Variants in DOK5 observed in about 807,000 individuals in gnomAD.
DOK5 encodes the protein docking protein 5.
Under a neutral mutation model 43.3 loss-of-function variants are expected in DOK5, and 27 were observed. That is an observed-to-expected ratio of 0.62 (90% CI 0.46 to 0.86). The LOEUF (loss-of-function observed/expected upper bound fraction) is 0.86, where lower values mean the gene tolerates loss of function less well. Ranked by LOEUF, DOK5 falls within the 40% of genes least tolerant of loss-of-function variation. The pLI, the probability that DOK5 is intolerant of heterozygous loss-of-function variation, is 0.00. For synonymous variants in DOK5, 146 were observed against 140.1 expected, an observed-to-expected ratio of 1.04 and a Z score of -0.30; for missense variants, 373 against 392.9, an observed-to-expected ratio of 0.95 and a Z score of 0.43.
Position 54,475,920 on chromosome 20 carries a change from T to C in DOK5, c.-27T>C, listed in dbSNP as rs765217379. On this transcript the variant is annotated 5_prime_UTR_variant, in exon 1 of 8. Transcript: ENST00000262593. This position sits in a 1 kb window ranked among gnomAD's most constrained non-coding sequence, Gnocchi z 4.2. ...GCCACTTCGGGTGCGCGCTCTTGGG[T>C]AAAGGGGGGGTCACCGGCTGTCTGG... 2 of 1,609,104 alleles carry C rather than the reference T, an allele frequency of 1.2e-6. No homozygotes were observed. Among genetic ancestry groups the C allele is most frequent in the Middle Eastern group, 1.7e-4 (1 of 5,832 alleles).
At chr20:54,521,760 TC>T (rs1052268550) in intron 1 of DOK5, among the ~76,000 whole-genome samples, 23 of 152,260 alleles carry the variant, frequency 1.5e-4, no homozygotes, top group African/African-American at 5.5e-4. Flanking sequence ...GACTGAAAGT[TC>T]CAACTCTCCA....
intron 1 of DOK5, among the ~76,000 whole-genome samples, chr20:54,498,241 T>C (rs1324280343): frequency 1.3e-5 from 2 of 152,240 alleles, no homozygotes; most frequent in Non-Finnish European, 2.9e-5. Context: ...TCAGAGACAG[T>C]GTAAATCTTG....
In DOK5 at chr20:54,498,706, T is replaced by C. The variant is rs113019328; in HGVS notation, c.66+22694T>C. Among the ~76,000 whole-genome samples the C allele has an allele frequency of 4.0e-3, 612 of 152,346 alleles. 4 individuals are homozygous for C. The highest frequency in any genetic ancestry group is 0.014 in the African/African-American group (581 of 41,578). ...ATCCTGGTGAACTGTATAAAGAGTA[T>C]GTTTTGTTTAGGACAATAATAGAAA... On this transcript the variant is annotated intron_variant, in intron 1 of 7. Transcript: ENST00000262593.
At chr20:54,578,981 T>A (rs1397296601) in intron 2 of DOK5, among the ~76,000 whole-genome samples, 1 of 152,158 alleles carries the variant, frequency 6.6e-6, no homozygotes, top group Non-Finnish European at 1.5e-5. Flanking sequence ...TTGTTCTGGG[T>A]GATTATATGA....
chr20:54,515,052 C>T (rs1983149822), intron 1 of DOK5, among the ~76,000 whole-genome samples: 1 of 151,714 alleles, frequency 6.6e-6, no homozygotes. Flanking sequence ...CTCTTGTTGC[C>T]CAGGCTGGAG....
At chr20:54,513,909 G>T (rs923644716) in intron 1 of DOK5, among the ~76,000 whole-genome samples, 1 of 152,146 alleles carries the variant, frequency 6.6e-6, no homozygotes, top group African/African-American at 2.4e-5. Context: ...TTTGAATTAG[G>T]ACAGATTATC....
intron 1 of DOK5, among the ~76,000 whole-genome samples, chr20:54,480,902 CATCT>C (rs201469324): frequency 3.5e-4 from 47 of 134,984 alleles, no homozygotes; most frequent in Middle Eastern, 3.8e-3. Flanking sequence ...TTAAGGCCTC[CATCT>C]ATCTATCTAT....
chr20:54,596,964 C>T (rs1986160042), intron 5 of DOK5, among the ~76,000 whole-genome samples: 1 of 152,136 alleles, frequency 6.6e-6, no homozygotes. Context: ...AGATATATTA[C>T]TACTCTCTGC....
At chr20:54,496,805 T>C (rs1394479160) in intron 1 of DOK5, among the ~76,000 whole-genome samples, 1 of 147,674 alleles carries the variant, frequency 6.8e-6, no homozygotes, top group East Asian at 2.0e-4. Context: ...TGAACCAGCA[T>C]AAATCGACAT....
rs948462896 is a variant in DOK5, at chr20:54,499,593, G to A, written c.66+23581G>A. On this transcript the variant is annotated intron_variant, in intron 1 of 7. Transcript: ENST00000262593. ...AATAATAGTGGAATTATTACTGAGT[G>A]GGAGGCTCTGTGTTTCACTTATGTT... Among the ~76,000 whole-genome samples the A allele has an allele frequency of 6.6e-5, 10 of 152,334 alleles. No individual in the cohort carries two copies. In the East Asian group the frequency reaches 1.7e-3, roughly 26 times the overall value.
At chr20:54,629,200 A>G (rs1045820382) in intron 6 of DOK5, among the ~76,000 whole-genome samples, 1 of 152,208 alleles carries the variant, frequency 6.6e-6, no homozygotes, top group Admixed American at 6.5e-5. Context: ...AAGTGGGAAG[A>G]TATTTCCTCT....
chr20:54,581,397 A>G (rs1985633930), intron 2 of DOK5, among the ~76,000 whole-genome samples: 2 of 151,716 alleles, frequency 1.3e-5, no homozygotes, highest in African/African-American at 2.4e-5. Flanking sequence ...TTCTGAAAAA[A>G]AAAAAAGCTC....
chr20:54,644,705 CAAAA>C (rs71196460), intron 7 of DOK5, among the ~76,000 whole-genome samples: 1 of 15,218 alleles, frequency 6.6e-5, no homozygotes, highest in African/African-American at 2.4e-4. Context: ...GACTCCGTCT[CAAAA>C]AAAAAAAAAA....
chr20:54,576,352 T>C (rs1193310471), intron 2 of DOK5, among the ~76,000 whole-genome samples: 1 of 152,202 alleles, frequency 6.6e-6, no homozygotes, highest in Non-Finnish European at 1.5e-5. Context: ...AAACTTCTTA[T>C]ATCTTCAACT....
At chr20:54,553,829 G>A (rs1401448400) in intron 1 of DOK5, among the ~76,000 whole-genome samples, 5 of 149,534 alleles carry the variant, frequency 3.3e-5, no homozygotes, top group South Asian at 4.3e-4. Context: ...CCCAGGAGGC[G>A]GAGGTTGCAG....
At position 54,583,802 on chromosome 20, in the gene DOK5, A is replaced by G. The variant is rs770194299; in HGVS notation, c.175-4681A>G. On this transcript the variant is annotated intron_variant, in intron 2 of 7. Coordinates refer to ENST00000262593, the MANE Select transcript of DOK5 (RefSeq NM_018431.5). Reference sequence around the variant, plus strand: ...AATCTAAAGTGAGTCTCTTGTAGACAGCATATCGTTGGACCTGGTTTTTAA... The same window carrying G: ...AATCTAAAGTGAGTCTCTTGTAGACGGCATATCGTTGGACCTGGTTTTTAA... 3.3e-4 allele frequency among the ~76,000 whole-genome samples: 50 copies of G among 152,102 alleles called. 1 individual carries two copies. Among genetic ancestry groups the G allele is most frequent in the Non-Finnish European group, 5.9e-5 (4 of 68,010 alleles).
chr20:54,650,075 C>T (rs2146839155), intron 7 of DOK5, among the ~76,000 whole-genome samples: 1 of 152,334 alleles, frequency 6.6e-6, no homozygotes, highest in East Asian at 1.9e-4. Context: ...CTTATTGCTG[C>T]TCAGGTTTCC....
intron 1 of DOK5, 35 bp downstream of exon 1, chr20:54,476,047 G>A (rs754526397): frequency 1.9e-6 from 3 of 1,609,682 alleles, no homozygotes; most frequent in Admixed American, 3.4e-5. Flanking sequence ...GCTGTTCGCC[G>A]GTTCGATTGT....
chr20:54,514,586 CTTTTTTT>C (rs199776939), intron 1 of DOK5, among the ~76,000 whole-genome samples: 8 of 100,924 alleles, frequency 7.9e-5, no homozygotes, highest in Middle Eastern at 5.7e-3. Flanking sequence ...AAGTTTTACT[CTTTTTTT>C]TTTTTTTTTT....
Sources: gnomAD v4.1 joint callset for allele counts (sites outside exome capture counted in the v4.1 genomes callset) on GRCh38, gnomAD v4.1.1 for gene constraint, Gnocchi (gnomAD v3.1) non-coding constraint, MANE v1.5 for transcripts, NCBI Gene and HGNC (gene_info 2026-07-23, HGNC 2026-07-21) for gene names.